The following B3GALT1 variants were observed in gnomAD, a reference collection of about 807,000 sequenced individuals.
B3GALT1 encodes the protein UDP-Gal:betaGlcNAc beta 1,3-galactosyltransferase, polypeptide 1.
Under a neutral mutation model 23.2 loss-of-function variants are expected in B3GALT1, and 10 were observed. The ratio of observed to expected loss-of-function variants is 0.43; its 90% CI spans 0.27 to 0.73. The LOEUF (loss-of-function observed/expected upper bound fraction) is 0.73, where lower values mean the gene tolerates loss of function less well. Ranked by LOEUF, B3GALT1 falls within the 30% of genes least tolerant of loss-of-function variation. B3GALT1 has a pLI of 0.21. For missense variants in B3GALT1, 299 were observed against 405.4 expected (o/e 0.74, Z 2.25); for synonymous variants, 156 against 141.5 (o/e 1.10, Z -0.73).
At chr2:167,418,048 A>G (rs373901407) in intron 1 of B3GALT1, among the ~76,000 whole-genome samples, 1 of 152,326 alleles carries the variant, frequency 6.6e-6, no homozygotes, top group East Asian at 1.9e-4. Flanking sequence ...CTTTGGTCAT[A>G]GTTTTTAATA....
chr2:167,749,818 T>C (rs1348933948), intron 3 of B3GALT1, among the ~76,000 whole-genome samples: 1 of 152,250 alleles, frequency 6.6e-6, no homozygotes, highest in African/African-American at 2.4e-5. Flanking sequence ...GAGTTCATTC[T>C]GAGTCTTTGA....
chr2:167,525,963 C>A (rs961724515), intron 2 of B3GALT1, among the ~76,000 whole-genome samples: 1 of 151,950 alleles, frequency 6.6e-6, no homozygotes, highest in Non-Finnish European at 1.5e-5. Context: ...TGATCACAGT[C>A]CCCAACATTT....
chr2:167,314,960 ATG>A (rs1343331799), intron 1 of B3GALT1, among the ~76,000 whole-genome samples: 1 of 152,164 alleles, frequency 6.6e-6, no homozygotes, highest in East Asian at 1.9e-4. Context: ...GCTCAGCTCA[ATG>A]TGTCCATTAG....
In B3GALT1 at chr2:167,646,936, G is replaced by T. The variant is rs1248665152; in HGVS notation, c.-382G>T. ...CTCTTGCTGTGCTGCTGGGTCCTCAGAAGTGTTCTGGAGATCGCCTCTTTG... is the reference window on the plus strand; with the variant it reads ...CTCTTGCTGTGCTGCTGGGTCCTCATAAGTGTTCTGGAGATCGCCTCTTTG... On this transcript the variant is annotated 5_prime_UTR_variant, in exon 3 of 5. Transcript: ENST00000392690. 1.3e-5 allele frequency among the ~76,000 whole-genome samples: 2 copies of T among 152,122 alleles called. No homozygotes were observed. Among genetic ancestry groups the T allele is most frequent in the Non-Finnish European group, 2.9e-5 (2 of 68,024 alleles).
chr2:167,570,359 T>C (rs771397441), intron 2 of B3GALT1, among the ~76,000 whole-genome samples: 5 of 151,880 alleles, frequency 3.3e-5, no homozygotes, highest in Non-Finnish European at 7.4e-5. Context: ...AGGTCTATTT[T>C]TTCTTGTGTG....
chr2:167,331,118 C>T (rs1696967436), intron 1 of B3GALT1, among the ~76,000 whole-genome samples: 1 of 151,940 alleles, frequency 6.6e-6, no homozygotes, highest in Non-Finnish European at 1.5e-5. Context: ...TAAATAGCCT[C>T]AGAAGGGTCT....
intron 1 of B3GALT1, among the ~76,000 whole-genome samples, chr2:167,405,161 C>G (rs1559086667): frequency 6.6e-6 from 1 of 152,036 alleles, no homozygotes; most frequent in Non-Finnish European, 1.5e-5. Context: ...AATAAGAATT[C>G]TTGAGATTTC....
chr2:167,494,569 GCATATGTGGTGAAATTT>G (rs1321117491), intron 2 of B3GALT1, among the ~76,000 whole-genome samples: 1 of 152,032 alleles, frequency 6.6e-6, no homozygotes, highest in Admixed American at 6.6e-5. Context: ...ACATAAAATA[GCATATGTGGTGAAATTT>G]CAGGTAGTTT....
At chr2:167,297,556 C>G (rs146255072) in intron 1 of B3GALT1, among the ~76,000 whole-genome samples, 1,679 of 152,132 alleles carry the variant, frequency 0.011, 10 homozygotes, top group Non-Finnish European at 0.016. Flanking sequence ...TGCAGTCAGT[C>G]CAATTACAGA....
At chr2:167,506,415 G>C (rs1463564505) in intron 2 of B3GALT1, among the ~76,000 whole-genome samples, 1 of 152,170 alleles carries the variant, frequency 6.6e-6, no homozygotes, top group Non-Finnish European at 1.5e-5. Context: ...ATTTGGTTTT[G>C]TGAAAAGTAG....
At chr2:167,432,573 C>A (rs1317730452) in intron 1 of B3GALT1, among the ~76,000 whole-genome samples, 1 of 152,144 alleles carries the variant, frequency 6.6e-6, no homozygotes, top group Non-Finnish European at 1.5e-5. Flanking sequence ...AAAAGAACTT[C>A]TCTAACAGCA....
At chr2:167,604,162 TC>T (rs1167693106) in intron 2 of B3GALT1, among the ~76,000 whole-genome samples, 1 of 152,172 alleles carries the variant, frequency 6.6e-6, no homozygotes, top group Non-Finnish European at 1.5e-5. Context: ...AGTATTCTGT[TC>T]CTAAATTGAT....
intron 2 of B3GALT1, among the ~76,000 whole-genome samples, chr2:167,528,153 A>G (rs997934875): frequency 8.5e-5 from 13 of 152,162 alleles, no homozygotes; most frequent in Admixed American, 2.0e-4. Flanking sequence ...CTGTGGCCCA[A>G]TGAGACAGAC....
intron 1 of B3GALT1, among the ~76,000 whole-genome samples, chr2:167,478,798 TTGAG>T (rs1027525108): frequency 6.6e-5 from 10 of 152,020 alleles, no homozygotes; most frequent in African/African-American, 2.4e-4. Flanking sequence ...ATTCCCACCT[TTGAG>T]TGAGAACATG....
At chr2:167,434,073 A>G (rs146632273) in intron 1 of B3GALT1, among the ~76,000 whole-genome samples, 75 of 152,354 alleles carry the variant, frequency 4.9e-4, no homozygotes, top group African/African-American at 1.7e-3. Context: ...GGAAGGAAAC[A>G]TGTCAAAGCT....
chr2:167,579,942 G>A (rs943180088), intron 2 of B3GALT1, among the ~76,000 whole-genome samples: 2 of 152,092 alleles, frequency 1.3e-5, no homozygotes, highest in Non-Finnish European at 2.9e-5. Flanking sequence ...GATAGTGATT[G>A]ATAGATGGTA....
intron 1 of B3GALT1, among the ~76,000 whole-genome samples, chr2:167,340,988 AAAAT>A (rs1458352350): frequency 6.6e-5 from 10 of 152,200 alleles, no homozygotes; most frequent in African/African-American, 1.4e-4. Flanking sequence ...TCAAAACAAC[AAAAT>A]AAATAAAACA....
At chr2:167,704,053 C>T (rs970421169) in intron 3 of B3GALT1, among the ~76,000 whole-genome samples, 10 of 151,826 alleles carry the variant, frequency 6.6e-5, no homozygotes, top group African/African-American at 1.5e-4. Flanking sequence ...TGGTATCAGG[C>T]GCCTGTAGTC....
intron 2 of B3GALT1, among the ~76,000 whole-genome samples, chr2:167,495,762 T>C (rs1481132578): frequency 1.3e-5 from 2 of 152,166 alleles, no homozygotes; most frequent in Admixed American, 6.6e-5. Flanking sequence ...AGGGAAAAGA[T>C]GGTGCTTAGA....
Sources: gnomAD v4.1 joint callset for allele counts (sites outside exome capture counted in the v4.1 genomes callset) on GRCh38, gnomAD v4.1.1 for gene constraint, MANE v1.5 for transcripts, NCBI Gene and HGNC (gene_info 2026-07-23, HGNC 2026-07-21) for gene names.